Variants in ATG12 observed in about 807,000 individuals in gnomAD.
ATG12 encodes the protein autophagy related 12.
Under a neutral mutation model 17.6 loss-of-function variants are expected in ATG12, and 19 were observed. That is an observed-to-expected ratio of 1.08 (90% CI 0.75 to 1.58). The LOEUF is 1.58. Among genes scored for constraint, ATG12 ranks in the 40% most tolerant of loss-of-function variants. The pLI is 0.00. For synonymous variants in ATG12, 75 were observed against 62.4 expected, an observed-to-expected ratio of 1.20 and a Z score of -0.95; for missense variants, 214 against 162.0, an observed-to-expected ratio of 1.32 and a Z score of -1.74.
chr5:115,829,383 A>C lies in ATG12; in HGVS notation c.*2421T>G, dbSNP rs1467503391. 1 of 152,230 alleles carries C rather than the reference A, an allele frequency of 6.6e-6. No individual in the cohort carries two copies. The highest frequency in any genetic ancestry group is 1.5e-5 in the Non-Finnish European group (1 of 68,034). 9.4% of individuals were successfully genotyped at this position (152,230 alleles called of 1,614,324 possible). A position where few individuals can be genotyped will look rare whatever the true frequency, so the allele number is the denominator to read the frequency against. On this transcript the variant is annotated 3_prime_UTR_variant, in exon 4 of 4. Coordinates refer to ENST00000509910, the MANE Select transcript of ATG12 (RefSeq NM_004707.4). ...GATATTTAAGGTCCCTTTAGGACTGAAACTTACAGAAATCAGATTCCAGGA... is the reference window on the plus strand; with the variant it reads ...GATATTTAAGGTCCCTTTAGGACTGCAACTTACAGAAATCAGATTCCAGGA...
At chr5:115,840,969 T>C (rs1761403690) in intron 1 of ATG12, 3 of 1,036,186 alleles carry the variant, frequency 2.9e-6, no homozygotes, top group Non-Finnish European at 3.9e-6. Flanking sequence ...CGAGTTAAGT[T>C]GGAAGGCATG....
intron 1 of ATG12, chr5:115,838,601 TGTA>T (rs1761201172): frequency 6.6e-6 from 1 of 152,256 alleles, no homozygotes; most frequent in Non-Finnish European, 1.5e-5. Flanking sequence ...TTATGCTGTT[TGTA>T]ACTACCAAAT....
At chr5:115,832,536 A>G in intron 3 of ATG12, 66 bp downstream of exon 3, 1 of 1,436,742 alleles carries the variant, frequency 7.0e-7, no homozygotes. Flanking sequence ...ACAGATGTGC[A>G]TACTCGATTA....
In ATG12 at chr5:115,828,512, C is replaced by G. The variant is rs1760728101; in HGVS notation, c.*3292G>C. The G allele has an allele frequency of 6.6e-6, 1 of 152,042 alleles. No individual in the cohort carries two copies. The highest frequency in any genetic ancestry group is 1.5e-5 in the Non-Finnish European group (1 of 67,958). The allele number at this position is 152,042 out of a possible 1,614,324, so 9.4% of individuals were successfully genotyped here. A position where few individuals can be genotyped will look rare whatever the true frequency, so the allele number is the denominator to read the frequency against. On this transcript the variant is annotated 3_prime_UTR_variant, in exon 4 of 4. Coordinates refer to ENST00000509910, the MANE Select transcript of ATG12 (RefSeq NM_004707.4). ...TTCATGTTTTGTTGGCCATTTGTAT[C>G]TTTTTGTGAATCGAAATTTGGTATG...
intron 1 of ATG12, among the ~76,000 whole-genome samples, chr5:115,839,822 T>C (rs574392564): frequency 1.2e-4 from 18 of 152,264 alleles, no homozygotes; most frequent in African/African-American, 4.3e-4. Flanking sequence ...AAGCACAAGG[T>C]AGGAATAGTT....
chr5:115,834,193 T>G (rs1266613003), intron 2 of ATG12: 1 of 152,170 alleles, frequency 6.6e-6, no homozygotes, highest in East Asian at 1.9e-4. Flanking sequence ...TAAGATGGTG[T>G]TGTGTTCACA....
chr5:115,838,031 C>G (rs1761177803), intron 1 of ATG12: 1 of 293,180 alleles, frequency 3.4e-6, no homozygotes, highest in Non-Finnish European at 6.2e-6. Flanking sequence ...ATGATCAATA[C>G]ACAAACAATA....
Position 115,831,668 on chromosome 5 carries a change from T to C in ATG12, c.*136A>G, listed in dbSNP as rs1447176475. ...CATTCATGCTATGGATGTTTTCTTA[T>C]GCATAAACATAGAGTAGACACATAC... On this transcript the variant is annotated 3_prime_UTR_variant, in exon 4 of 4. Coordinates refer to ENST00000509910, the MANE Select transcript of ATG12 (RefSeq NM_004707.4). The C allele has an allele frequency of 9.1e-6, 7 of 768,700 alleles. No homozygotes were observed. Among genetic ancestry groups the C allele is most frequent in the East Asian group, 5.4e-5 (2 of 37,178 alleles). 47.6% of individuals were successfully genotyped at this position (768,700 alleles called of 1,614,324 possible). A position where few individuals can be genotyped will look rare whatever the true frequency, so the allele number is the denominator to read the frequency against.
intron 2 of ATG12, among the ~76,000 whole-genome samples, chr5:115,834,575 C>T (rs2112722333): frequency 6.6e-6 from 1 of 152,194 alleles, no homozygotes; most frequent in Non-Finnish European, 1.5e-5. Flanking sequence ...AATCAGCAGT[C>T]TTTAAATTGA....
intron 1 of ATG12, among the ~76,000 whole-genome samples, chr5:115,840,309 T>C (rs1185597617): frequency 6.6e-6 from 1 of 151,790 alleles, no homozygotes; most frequent in African/African-American, 2.4e-5. Context: ...TTTTTTTTTT[T>C]TTTTTGAGGC....
chr5:115,839,650 T>G (rs1350560321), intron 1 of ATG12, among the ~76,000 whole-genome samples: 2 of 152,172 alleles, frequency 1.3e-5, no homozygotes, highest in African/African-American at 4.8e-5. Flanking sequence ...CGGATACACA[T>G]TAGAATCAAC....
At chr5:115,832,510 A>G (rs1760916237) in intron 3 of ATG12, 92 bp downstream of exon 3, 6 of 1,333,416 alleles carry the variant, frequency 4.5e-6, no homozygotes, top group Non-Finnish European at 5.9e-6. Flanking sequence ...ACAATACTAC[A>G]CAATATACAT....
chr5:115,838,503 C>T (rs972567171), intron 1 of ATG12: 2 of 152,178 alleles, frequency 1.3e-5, no homozygotes, highest in Admixed American at 6.5e-5. Flanking sequence ...AAAACCATCA[C>T]AAACACATTC....
In ATG12 at chr5:115,841,116, A is replaced by G. The variant is rs569465429; in HGVS notation, c.163+274T>C. On this transcript the variant is annotated intron_variant, in intron 1 of 3. Coordinates refer to ENST00000509910, the MANE Select transcript of ATG12 (RefSeq NM_004707.4). Reference sequence around the variant, plus strand: ...CCACTCAGCTCCCTCCCTCCTTCAAAGAGCTCGCAGTCTGGCCAACTCAAA... The same window carrying G: ...CCACTCAGCTCCCTCCCTCCTTCAAGGAGCTCGCAGTCTGGCCAACTCAAA... 97 of 305,456 alleles carry G rather than the reference A, an allele frequency of 3.2e-4. 2 individuals carry two copies. The highest frequency in any genetic ancestry group is 2.2e-3 in the South Asian group (96 of 42,892). 18.9% of individuals were successfully genotyped at this position (305,456 alleles called of 1,614,324 possible). A position where few individuals can be genotyped will look rare whatever the true frequency, so the allele number is the denominator to read the frequency against.
At position 115,837,753 on chromosome 5, in the gene ATG12, G is replaced by A. The variant is rs559680738; in HGVS notation, c.175C>T (p.Leu59=). The A allele has an allele frequency of 3.8e-6, 6 of 1,599,830 alleles. No individual in the cohort carries two copies. Among genetic ancestry groups the A allele is most frequent in the Admixed American group, 3.6e-5 (2 of 54,936 alleles). The change falls in exon 2 of 4, where the codon CTA becomes TTA. Residue 59 remains leucine (L), a synonymous_variant. Coordinates refer to ENST00000509910, the MANE Select transcript of ATG12 (RefSeq NM_004707.4). ...ATAGGAGTGTCTCCCACAGCCTTTA[G>A]CAAAATGTCAACTGTAAAAGAAGAA... is the stretch of plus-strand genomic sequence containing the variant. ...GDTKKKIDIL[L]KAVGDTPIMK...
chr5:115,837,523 C>T (rs1028216146), intron 2 of ATG12, 105 bp downstream of exon 2: 7 of 1,187,294 alleles, frequency 5.9e-6, no homozygotes, highest in Middle Eastern at 2.8e-4. Context: ...ATAACAAAAG[C>T]GACATATGTG....
Position 115,832,571 on chromosome 5 carries a change from CTTTTTTTTTT to C in ATG12, c.363+21_363+30del, listed in dbSNP as rs35310189. The C allele has an allele frequency of 9.2e-4, 734 of 802,084 alleles. 1 individual carries two copies. The highest frequency in any genetic ancestry group is 1.1e-3 in the African/African-American group (34 of 30,812). 49.7% of individuals were successfully genotyped at this position (802,084 alleles called of 1,614,324 possible). ...AAGAAAAAAAAGCAGTAATTTCTTT[CTTTTTTTTTT>C]TTTTTTTTTTTTTTTTTTACCTCAT... On this transcript the variant is annotated intron_variant, in intron 3 of 3. Coordinates refer to ENST00000509910, the MANE Select transcript of ATG12 (RefSeq NM_004707.4).
intron 3 of ATG12, among the ~76,000 whole-genome samples, chr5:115,832,248 T>A (rs1459079250): frequency 6.6e-6 from 1 of 152,148 alleles, no homozygotes; most frequent in Non-Finnish European, 1.5e-5. Flanking sequence ...CAATTTCTTG[T>A]AGGCAGATTT....
chr5:115,841,046 C>G, intron 1 of ATG12: 1 of 482,832 alleles, frequency 2.1e-6, no homozygotes, highest in South Asian at 1.8e-5. Flanking sequence ...ATAATTAGCT[C>G]CTGTGTTAAG....
Sources: gnomAD v4.1 joint callset for allele counts (sites outside exome capture counted in the v4.1 genomes callset) on GRCh38, gnomAD v4.1.1 for gene constraint, MANE v1.5 for transcripts, NCBI Gene and HGNC (gene_info 2026-07-23, HGNC 2026-07-21) for gene names.